TBC1D15: variants seen among roughly 807,000 people sequenced by gnomAD.
The protein encoded by TBC1D15 is GAP for RAB7.
TBC1D15 carries 39 observed loss-of-function variants against 95.4 expected under a neutral mutation model. That is an observed-to-expected ratio of 0.41 (90% CI 0.32 to 0.53). TBC1D15 has a LOEUF of 0.53. Among genes scored for constraint, TBC1D15 ranks in the 20% least tolerant of loss-of-function variants. The probability of loss-of-function intolerance (pLI) is 0.29; values close to 1 mark genes in which losing one functional copy is unlikely to be tolerated. For synonymous variants in TBC1D15, 258 were observed against 261.3 expected (o/e 0.99, Z 0.12); for missense variants, 733 against 794.3 (o/e 0.92, Z 0.93).
At chr12:71,886,369 C>T (rs969194535) in intron 5 of TBC1D15, among the ~76,000 whole-genome samples, 1 of 152,146 alleles carries the variant, frequency 6.6e-6, no homozygotes, top group African/African-American at 2.4e-5. Context: ...AGAGTTTCAC[C>T]ATATTGGCCA....
intron 10 of TBC1D15, among the ~76,000 whole-genome samples, chr12:71,905,714 C>G (rs562440963): frequency 2.6e-5 from 4 of 152,252 alleles, no homozygotes; most frequent in African/African-American, 9.6e-5. Context: ...ATCCACAATT[C>G]TGTATGTATT....
At chr12:71,875,251 G>T (rs1478205719) in intron 3 of TBC1D15, among the ~76,000 whole-genome samples, 3 of 152,104 alleles carry the variant, frequency 2.0e-5, no homozygotes, top group Non-Finnish European at 4.4e-5. Flanking sequence ...TGAGTTGTAA[G>T]AATTCTTTAT....
intron 1 of TBC1D15, among the ~76,000 whole-genome samples, chr12:71,840,848 A>G (rs1302056695): frequency 1.3e-5 from 2 of 152,158 alleles, no homozygotes; most frequent in East Asian, 1.9e-4. Flanking sequence ...TTTTGCTGTT[A>G]ATCTGAAGTA....
intron 1 of TBC1D15, among the ~76,000 whole-genome samples, chr12:71,865,481 A>C (rs759031901): frequency 6.6e-6 from 1 of 152,150 alleles, no homozygotes; most frequent in African/African-American, 2.4e-5. Flanking sequence ...TAGTGACTCA[A>C]GACCTTGGGA....
intron 1 of TBC1D15, chr12:71,849,838 G>A: frequency 1.8e-6 from 1 of 560,068 alleles, no homozygotes; most frequent in South Asian, 1.5e-5. Flanking sequence ...TTGCCATTCT[G>A]TAGTAAAATG....
intron 14 of TBC1D15, among the ~76,000 whole-genome samples, chr12:71,920,110 G>A (rs974435456): frequency 3.3e-5 from 5 of 152,098 alleles, no homozygotes; most frequent in Non-Finnish European, 4.4e-5. Context: ...TGAAGCAGGG[G>A]GAAATTAAGA....
chr12:71,910,693 C>T (rs1012419615), intron 11 of TBC1D15, among the ~76,000 whole-genome samples: 3 of 152,062 alleles, frequency 2.0e-5, no homozygotes, highest in African/African-American at 7.2e-5. Flanking sequence ...GAATGCTTAC[C>T]ATTCAGGACA....
At chr12:71,843,210 C>T (rs1029462453) in intron 1 of TBC1D15, among the ~76,000 whole-genome samples, 2 of 152,076 alleles carry the variant, frequency 1.3e-5, no homozygotes, top group African/African-American at 4.8e-5. Flanking sequence ...GAAACCAGTG[C>T]AGTGAGCTGA....
At chr12:71,901,700 C>CA (rs1027675842) in intron 10 of TBC1D15, among the ~76,000 whole-genome samples, 1 of 152,100 alleles carries the variant, frequency 6.6e-6, no homozygotes, top group Admixed American at 6.5e-5. Context: ...AGAACCAGAA[C>CA]AAGACAAGGA....
chr12:71,920,064 G>A (rs551736288), intron 14 of TBC1D15, among the ~76,000 whole-genome samples: 2 of 152,240 alleles, frequency 1.3e-5, no homozygotes, highest in Non-Finnish European at 2.9e-5. Flanking sequence ...TTGTGTGGGT[G>A]TTTTTATCTT....
Position 71,923,037 on chromosome 12 carries a change from A to G in TBC1D15, c.1858A>G (p.Thr620Ala). ...TGGGCTTCAAGGCAGTGAAGTTACA[A>G]CACCAGATTCAGACGTTGGTGAAGA... Reference protein sequence around the residue: ...ILGLQGSEVTTPDSDVGEDEN... With the variant: ...ILGLQGSEVTAPDSDVGEDEN... The change falls in exon 17 of 17, where the codon ACA becomes GCA. Residue 620 changes from threonine (T) to alanine (A), a missense_variant. Thr to Ala is a moderately conservative substitution (Grantham distance 58, BLOSUM62 0). Coordinates refer to ENST00000485960, the MANE Select transcript of TBC1D15 (RefSeq NM_001146213.3). 6.2e-7 allele frequency: 1 copy of G among 1,614,190 alleles called. No individual in the cohort carries two copies. The highest frequency in any genetic ancestry group is 8.5e-7 in the Non-Finnish European group (1 of 1,180,022).
chr12:71,850,781 G>A (rs1328150998), intron 1 of TBC1D15, among the ~76,000 whole-genome samples: 1 of 152,082 alleles, frequency 6.6e-6, no homozygotes, highest in East Asian at 1.9e-4. Context: ...GAGGTCAGGA[G>A]ATCGAGACCA....
intron 1 of TBC1D15, among the ~76,000 whole-genome samples, chr12:71,862,620 A>G (rs1890628698): frequency 2.0e-5 from 3 of 152,174 alleles, no homozygotes; most frequent in South Asian, 2.1e-4. Context: ...TATGTGGGCA[A>G]TTTAATTTGT....
intron 3 of TBC1D15, among the ~76,000 whole-genome samples, chr12:71,880,008 T>A (rs1894810398): frequency 6.6e-6 from 1 of 152,234 alleles, no homozygotes; most frequent in Admixed American, 6.5e-5. Context: ...TGCTTTTAGC[T>A]AATTTTGATT....
At chr12:71,920,982 ACTAT>A in intron 15 of TBC1D15, 135 bp downstream of exon 15, 1 of 645,388 alleles carries the variant, frequency 1.5e-6, no homozygotes, top group Non-Finnish European at 2.6e-6. Flanking sequence ...GCTAGGAATG[ACTAT>A]CTGAGAATGA....
At chr12:71,879,428 C>T (rs1382863218) in intron 3 of TBC1D15, among the ~76,000 whole-genome samples, 2 of 152,106 alleles carry the variant, frequency 1.3e-5, no homozygotes, top group African/African-American at 4.8e-5. Context: ...AGCCACCTCG[C>T]TCGGCCTCCC....
chr12:71,920,680 A>G (rs1868946760), intron 14 of TBC1D15, 51 bp from the exon 15 acceptor site: 3 of 1,320,174 alleles, frequency 2.3e-6, no homozygotes, highest in South Asian at 2.4e-5. Context: ...CTGTGAGGAA[A>G]ATGTTTTAGA....
At chr12:71,910,757 GC>G (rs1902046005) in intron 11 of TBC1D15, among the ~76,000 whole-genome samples, 1 of 152,082 alleles carries the variant, frequency 6.6e-6, no homozygotes. Context: ...GGCAACAAAA[GC>G]CAAAACTGAC....
chr12:71,878,411 C>CAGAGAGAGAG (rs148681015), intron 3 of TBC1D15, among the ~76,000 whole-genome samples: 4 of 148,744 alleles, frequency 2.7e-5, no homozygotes, highest in African/African-American at 9.9e-5. Context: ...AAGTAGAAGT[C>CAGAGAGAGAG]AGAGAGAGAG....
Sources: allele counts gnomAD v4.1 joint callset (sites outside exome capture counted in the v4.1 genomes callset), GRCh38; gene constraint gnomAD v4.1.1; transcripts MANE v1.5; gene names NCBI Gene and HGNC (gene_info 2026-07-23, HGNC 2026-07-21).